Variants in ITM2C observed in about 807,000 individuals in gnomAD.
ITM2C encodes the protein integral membrane protein 2C, also known as BRICHOS domain containing 2C.
Under a neutral mutation model 30.0 loss-of-function variants are expected in ITM2C, and 20 were observed. The observed-to-expected ratio is 0.67, with a 90% CI of 0.47 to 0.97. The LOEUF is 0.97. Ranked by LOEUF, ITM2C falls within the 50% of genes least tolerant of loss-of-function variation. The pLI, the probability that ITM2C is intolerant of heterozygous loss-of-function variation, is 0.00. For synonymous variants in ITM2C, 167 were observed against 156.4 expected (o/e 1.07, Z -0.51); for missense variants, 366 against 371.9 (o/e 0.98, Z 0.13).
Position 230,875,607 on chromosome 2 carries a change from C to T in ITM2C, c.262-13C>T, listed in dbSNP as rs1370866820. The T allele has an allele frequency of 6.3e-7, 1 of 1,585,390 alleles. No individual in the cohort carries two copies. Among genetic ancestry groups the T allele is most frequent in the Admixed American group, 1.7e-5 (1 of 57,376 alleles). On this transcript the variant is annotated splice_polypyrimidine_tract_variant and intron_variant, in intron 2 of 5. Coordinates refer to ENST00000326427, the MANE Select transcript of ITM2C (RefSeq NM_030926.6). ...CCTCTCTGACTGTCTGTCTGTCTCTCCGCCTTGCTCAGCTGGCCCGAGATA... is the reference window on the plus strand; with the variant it reads ...CCTCTCTGACTGTCTGTCTGTCTCTTCGCCTTGCTCAGCTGGCCCGAGATA...
chr2:230,865,005 G>C lies in ITM2C; in HGVS notation c.-21G>C, dbSNP rs1390815282. 69 of 1,460,666 alleles carry C rather than the reference G, an allele frequency of 4.7e-5. No homozygotes were observed. Among genetic ancestry groups the C allele is most frequent in the Non-Finnish European group, 5.8e-5 (64 of 1,095,768 alleles). The allele number at this position is 1,460,666 out of a possible 1,614,324, so 90.5% of individuals were successfully genotyped here. ...CTGCACCGGCAGAGGCTGCGGGGCG[G>C]ACGCGCGGGCCGGCGCAGCCATGGT... On this transcript the variant is annotated 5_prime_UTR_variant, in exon 1 of 6. Coordinates refer to ENST00000326427, the MANE Select transcript of ITM2C (RefSeq NM_030926.6). The surrounding 1 kb of genome is among the most constrained non-coding windows in gnomAD (Gnocchi z 6.8).
chr2:230,868,117 C>T (rs996844038), intron 1 of ITM2C, among the ~76,000 whole-genome samples: 14 of 151,964 alleles, frequency 9.2e-5, no homozygotes, highest in Non-Finnish European at 1.8e-4. Context: ...AGCACCCTCT[C>T]GGTGGGCACT....
At position 230,865,180 on chromosome 2, in the gene ITM2C, GGACCCAGGCTCAC is replaced by G; in HGVS notation, c.120+45_120+57del. ...TCTGGGGCTCAGGCGGTGGGGCGGGGGACCCAGGCTCACGACCCAGGCGCGCCCCGTCGGCCCT... is the reference window on the plus strand; with the variant it reads ...TCTGGGGCTCAGGCGGTGGGGCGGGGGACCCAGGCGCGCCCCGTCGGCCCT... On this transcript the variant is annotated intron_variant, in intron 1 of 5. Coordinates refer to ENST00000326427, the MANE Select transcript of ITM2C (RefSeq NM_030926.6). The surrounding 1 kb of genome is among the most constrained non-coding windows in gnomAD (Gnocchi z 6.8). 1.4e-6 allele frequency: 2 copies of G among 1,381,576 alleles called. No individual in the cohort carries two copies. Among genetic ancestry groups the G allele is most frequent in the South Asian group, 1.6e-5 (1 of 63,848 alleles). The allele number at this position is 1,381,576 out of a possible 1,614,324, so 85.6% of individuals were successfully genotyped here. A position where few individuals can be genotyped will look rare whatever the true frequency, so the allele number is the denominator to read the frequency against.
intron 1 of ITM2C, 118 bp from the exon 2 acceptor site, chr2:230,873,299 C>T: frequency 9.6e-7 from 1 of 1,039,436 alleles, no homozygotes; most frequent in Non-Finnish European, 1.3e-6. Flanking sequence ...ATCTCCTTCC[C>T]TCCCTTTCCC....
At chr2:230,871,247 C>A (rs144739440) in intron 1 of ITM2C, among the ~76,000 whole-genome samples, 1 of 152,254 alleles carries the variant, frequency 6.6e-6, no homozygotes, top group East Asian at 1.9e-4. Context: ...GGCAGATTTC[C>A]CAGCTGCTGT....
intron 1 of ITM2C, among the ~76,000 whole-genome samples, chr2:230,870,559 G>C (rs184416438): frequency 1.6e-4 from 24 of 152,204 alleles, no homozygotes; most frequent in African/African-American, 5.3e-4. Flanking sequence ...AGCCTTCACA[G>C]TGAGGGGTCT....
At chr2:230,871,720 C>T in intron 1 of ITM2C, among the ~76,000 whole-genome samples, 1 of 152,250 alleles carries the variant, frequency 6.6e-6, no homozygotes, top group East Asian at 1.9e-4. Context: ...TGTGAGGGTG[C>T]AGGACAGGCA....
intron 3 of ITM2C, 86 bp from the exon 4 acceptor site, chr2:230,876,771 C>A: frequency 1.2e-6 from 1 of 859,488 alleles, no homozygotes; most frequent in Non-Finnish European, 1.9e-6. Flanking sequence ...TGAGCCACCG[C>A]GCCTGGCTGG....
chr2:230,873,558 G>A lies in ITM2C; in HGVS notation c.261+1G>A. On this transcript the variant is annotated splice_donor_variant, in intron 2 of 5. Transcript: ENST00000326427. LOFTEE classifies it high-confidence loss of function. ...CTACAGATACTTCTTCCTTGCGCAG[G>A]TGAGGGGCCGGGCCAGGTAGGGGCA... The A allele has an allele frequency of 6.2e-7, 1 of 1,600,222 alleles. No homozygotes were observed. The highest frequency in any genetic ancestry group is 8.5e-7 in the Non-Finnish European group (1 of 1,174,872).
chr2:230,877,019 C>T lies in ITM2C; in HGVS notation c.561+52C>T, dbSNP rs555393067. On this transcript the variant is annotated intron_variant, in intron 4 of 5. Transcript: ENST00000326427. This position sits in a 1 kb window ranked among gnomAD's most constrained non-coding sequence, Gnocchi z 4.8. ...GCAGCATCCTGTCCCTCCCTTGCCC[C>T]CTGTCTCATGGAGGCTAGGTCTGAG... 2 of 1,263,270 alleles carry T rather than the reference C, an allele frequency of 1.6e-6. No homozygotes were observed. The highest frequency in any genetic ancestry group is 1.9e-4 in the Middle Eastern group (1 of 5,384). The allele number at this position is 1,263,270 out of a possible 1,614,324, so 78.3% of individuals were successfully genotyped here.
At position 230,877,582 on chromosome 2, in the gene ITM2C, T is replaced by C; in HGVS notation, c.712+32T>C. 1.2e-6 allele frequency: 2 copies of C among 1,610,840 alleles called. No homozygotes were observed. The highest frequency in any genetic ancestry group is 3.3e-5 in the Admixed American group (2 of 59,910). On this transcript the variant is annotated intron_variant, in intron 5 of 5. Transcript: ENST00000326427. This position sits in a 1 kb window ranked among gnomAD's most constrained non-coding sequence, Gnocchi z 4.8. Reference sequence around the variant, plus strand: ...GGCTGGCTTCACCCACAGTAGCCCCTGTCCCGTGCCCCAGACCACAGTTAT... The same window carrying C: ...GGCTGGCTTCACCCACAGTAGCCCCCGTCCCGTGCCCCAGACCACAGTTAT...
chr2:230,876,979 G>A lies in ITM2C; in HGVS notation c.561+12G>A, dbSNP rs758761666. On this transcript the variant is annotated intron_variant, in intron 4 of 5. Transcript: ENST00000326427. ...TCATGAACGTGAAGGTGCGCAGGGG[G>A]TTGGGGGGATGTCTGCAGCATCCTG... The A allele has an allele frequency of 6.4e-7, 1 of 1,565,806 alleles. No individual in the cohort carries two copies. The highest frequency in any genetic ancestry group is 8.8e-7 in the Non-Finnish European group (1 of 1,136,380).
At chr2:230,872,267 A>G (rs1486377236) in intron 1 of ITM2C, among the ~76,000 whole-genome samples, 2 of 145,942 alleles carry the variant, frequency 1.4e-5, no homozygotes, top group Non-Finnish European at 2.9e-5. Context: ...CCACGGAGGA[A>G]GGATTAAATG....
Position 230,865,384 on chromosome 2 carries a change from C to A in ITM2C, c.120+239C>A, listed in dbSNP as rs989656472. On this transcript the variant is annotated intron_variant, in intron 1 of 5. Coordinates refer to ENST00000326427, the MANE Select transcript of ITM2C (RefSeq NM_030926.6). The surrounding 1 kb of genome is among the most constrained non-coding windows in gnomAD (Gnocchi z 6.8). ...GTGGGAGGCGTCTGGTTCTGGTCTT[C>A]AGGTGGAGAAGTGCTCGAGGTCTCT... The A allele has an allele frequency of 7.4e-6, 3 of 405,428 alleles. No homozygotes were observed. Among genetic ancestry groups the A allele is most frequent in the Non-Finnish European group, 1.3e-5 (3 of 238,058 alleles). 25.1% of individuals were successfully genotyped at this position (405,428 alleles called of 1,614,324 possible). A position where few individuals can be genotyped will look rare whatever the true frequency, so the allele number is the denominator to read the frequency against.
In ITM2C at chr2:230,865,310, G is replaced by A; in HGVS notation, c.120+165G>A. ...GGTTGCTTATCCCAGAATGAGGAGG[G>A]GGCTTAAGTCCCGTACTAAAGCGGC... is the stretch of plus-strand genomic sequence containing the variant. On this transcript the variant is annotated intron_variant, in intron 1 of 5. Coordinates refer to ENST00000326427, the MANE Select transcript of ITM2C (RefSeq NM_030926.6). The surrounding 1 kb of genome is among the most constrained non-coding windows in gnomAD (Gnocchi z 6.8). 1.4e-6 allele frequency: 1 copy of A among 698,790 alleles called. No homozygotes were observed. Among genetic ancestry groups the A allele is most frequent in the East Asian group, 3.4e-5 (1 of 29,170 alleles). The allele number at this position is 698,790 out of a possible 1,614,324, so 43.3% of individuals were successfully genotyped here.
At position 230,878,364 on chromosome 2, in the gene ITM2C, T is replaced by G; in HGVS notation, c.*265T>G. The G allele has an allele frequency of 4.0e-6, 1 of 247,160 alleles. No individual in the cohort carries two copies. The highest frequency in any genetic ancestry group is 7.8e-6 in the Non-Finnish European group (1 of 128,626). The allele number at this position is 247,160 out of a possible 1,614,324, so 15.3% of individuals were successfully genotyped here. A position where few individuals can be genotyped will look rare whatever the true frequency, so the allele number is the denominator to read the frequency against. On this transcript the variant is annotated 3_prime_UTR_variant, in exon 6 of 6. Coordinates refer to ENST00000326427, the MANE Select transcript of ITM2C (RefSeq NM_030926.6). The surrounding 1 kb of genome is among the most constrained non-coding windows in gnomAD (Gnocchi z 4.5). ...TTTCTGTGTCCCACTGTCTTGAAGC[T>G]GGGCCTGCCAAAGCCTGGGCCCACA...
At chr2:230,870,469 C>A (rs1285178338) in intron 1 of ITM2C, among the ~76,000 whole-genome samples, 2 of 152,202 alleles carry the variant, frequency 1.3e-5, no homozygotes, top group African/African-American at 4.8e-5. Context: ...GTGGCTGAGC[C>A]CGGGTGTGTG....
chr2:230,866,508 G>A (rs376741906), intron 1 of ITM2C, among the ~76,000 whole-genome samples: 1 of 152,130 alleles, frequency 6.6e-6, no homozygotes, highest in African/African-American at 2.4e-5. Context: ...TTTTATGGTG[G>A]TCACTGCAGC....
intron 2 of ITM2C, among the ~76,000 whole-genome samples, chr2:230,875,368 CCCTT>C (rs1205535258): frequency 6.6e-6 from 1 of 152,216 alleles, no homozygotes; most frequent in Non-Finnish European, 1.5e-5. Flanking sequence ...AGCTCATCCT[CCCTT>C]CCGTTTGTGA....
Sources: allele counts gnomAD v4.1 joint callset (sites outside exome capture counted in the v4.1 genomes callset), GRCh38; gene constraint gnomAD v4.1.1; non-coding constraint Gnocchi (gnomAD v3.1); transcripts MANE v1.5; gene names NCBI Gene and HGNC (gene_info 2026-07-23, HGNC 2026-07-21).